Variants in SLC35F3 observed in about 807,000 individuals in gnomAD.
The protein encoded by SLC35F3 is solute carrier family 35 member F3.
Under a neutral mutation model 49.9 loss-of-function variants are expected in SLC35F3, and 25 were observed. That is an observed-to-expected ratio of 0.50 (90% CI 0.37 to 0.70). The LOEUF (loss-of-function observed/expected upper bound fraction) is 0.70. Ranked by LOEUF, SLC35F3 falls within the 30% of genes least tolerant of loss-of-function variation. The probability of loss-of-function intolerance (pLI) is 0.00; values close to 1 mark genes in which losing one functional copy is unlikely to be tolerated. For missense variants in SLC35F3, 525 were observed against 639.8 expected (o/e 0.82, Z 1.94); for synonymous variants, 275 against 265.4 (o/e 1.04, Z -0.35).
chr1:234,037,786 C>T (rs80268751), intron 2 of SLC35F3, among the ~76,000 whole-genome samples: 1 of 152,136 alleles, frequency 6.6e-6, no homozygotes, highest in Non-Finnish European at 1.5e-5. Flanking sequence ...TGGGCAACTT[C>T]AGGTGCAGAA....
At chr1:234,304,232 G>C (rs1668741239) in intron 3 of SLC35F3, among the ~76,000 whole-genome samples, 1 of 151,806 alleles carries the variant, frequency 6.6e-6, no homozygotes, top group Non-Finnish European at 1.5e-5. Flanking sequence ...CATGATCTTG[G>C]CTCACTGCAA....
chr1:234,199,537 C>T (rs1180182910), intron 2 of SLC35F3, among the ~76,000 whole-genome samples: 2 of 152,146 alleles, frequency 1.3e-5, no homozygotes, highest in Non-Finnish European at 2.9e-5. Flanking sequence ...AATTGTAAAG[C>T]TCCTAGAAGA....
intron 2 of SLC35F3, among the ~76,000 whole-genome samples, chr1:234,227,392 CT>C (rs369277069): frequency 0.079 from 8,453 of 106,390 alleles, 311 homozygotes; most frequent in East Asian, 0.53. Context: ...CTCTTTCTTT[CT>C]TTTTTTTTTT....
chr1:233,992,643 T>C (rs556335431), intron 2 of SLC35F3, among the ~76,000 whole-genome samples: 2 of 152,312 alleles, frequency 1.3e-5, no homozygotes, highest in African/African-American at 4.8e-5. Flanking sequence ...AGCCCAGTTC[T>C]CAATGCCATC....
At chr1:234,109,671 GC>G (rs1665376147) in intron 2 of SLC35F3, among the ~76,000 whole-genome samples, 1 of 152,142 alleles carries the variant, frequency 6.6e-6, no homozygotes, top group South Asian at 2.1e-4. Context: ...ACTGTTCTAG[GC>G]AACAGGATGC....
chr1:234,000,031 G>A (rs1475452997), intron 2 of SLC35F3, among the ~76,000 whole-genome samples: 1 of 152,090 alleles, frequency 6.6e-6, no homozygotes, highest in African/African-American at 2.4e-5. Context: ...CCTTTAAAGG[G>A]CTATATAAAA....
intron 3 of SLC35F3, among the ~76,000 whole-genome samples, chr1:234,280,398 C>T (rs981673391): frequency 6.6e-6 from 1 of 152,202 alleles, no homozygotes; most frequent in African/African-American, 2.4e-5. Flanking sequence ...CTGTTTAAAC[C>T]TTTCTACTGA....
intron 2 of SLC35F3, among the ~76,000 whole-genome samples, chr1:234,228,610 G>A (rs955417965): frequency 3.3e-5 from 5 of 152,138 alleles, no homozygotes; most frequent in Admixed American, 1.3e-4. Context: ...AGTGCATGCC[G>A]TTCATTATAA....
intron 2 of SLC35F3, among the ~76,000 whole-genome samples, chr1:233,920,737 C>T (rs370785426): frequency 6.6e-6 from 1 of 152,210 alleles, no homozygotes; most frequent in East Asian, 1.9e-4. Context: ...CAGAACTTCT[C>T]TCACCCTCTT....
chr1:233,930,673 T>A (rs1312322843), intron 2 of SLC35F3, among the ~76,000 whole-genome samples: 2 of 152,220 alleles, frequency 1.3e-5, no homozygotes, highest in Non-Finnish European at 2.9e-5. Flanking sequence ...GTCTTACTGA[T>A]AGCATAAACA....
intron 2 of SLC35F3, among the ~76,000 whole-genome samples, chr1:234,139,422 G>A (rs2102902134): frequency 6.6e-6 from 1 of 152,244 alleles, no homozygotes; most frequent in East Asian, 1.9e-4. Flanking sequence ...CAAAAAGATA[G>A]ACACATTATA....
chr1:234,254,567 A>G (rs944873143), intron 3 of SLC35F3, among the ~76,000 whole-genome samples: 14 of 152,254 alleles, frequency 9.2e-5, no homozygotes, highest in African/African-American at 3.4e-4. Context: ...CACTTTAAAA[A>G]ATCTTCAAGT....
rs558916755 is a variant in SLC35F3, at chr1:234,059,724, A to T, written c.283+153966A>T. On this transcript the variant is annotated intron_variant, in intron 2 of 7. Transcript: ENST00000366618. Reference sequence around the variant, plus strand: ...AGCTTACTTATCAACTTACATGATCACAAGATCCCACAATAGGCTATCTGC... The same window carrying T: ...AGCTTACTTATCAACTTACATGATCTCAAGATCCCACAATAGGCTATCTGC... Among the ~76,000 whole-genome samples, 17 of 152,294 alleles carry T rather than the reference A, an allele frequency of 1.1e-4. No homozygotes were observed. The South Asian group carries it at 3.5e-3, about 32-fold the overall frequency.
chr1:234,014,679 C>T (rs1270771398), intron 2 of SLC35F3, among the ~76,000 whole-genome samples: 3 of 151,914 alleles, frequency 2.0e-5, no homozygotes, highest in Non-Finnish European at 4.4e-5. Context: ...TTTCTATATA[C>T]TAACAATGAA....
intron 2 of SLC35F3, among the ~76,000 whole-genome samples, chr1:234,127,990 G>A (rs1310485895): frequency 6.6e-6 from 1 of 152,192 alleles, no homozygotes; most frequent in African/African-American, 2.4e-5. Context: ...GACACACGCT[G>A]AGGACCTGAC....
intron 2 of SLC35F3, among the ~76,000 whole-genome samples, chr1:233,948,355 C>T (rs1662550230): frequency 6.6e-6 from 1 of 151,814 alleles, no homozygotes; most frequent in Non-Finnish European, 1.5e-5. Flanking sequence ...TCCTCCAGCC[C>T]CATCTTTGAT....
chr1:234,010,223 A>AG (rs530687906), intron 2 of SLC35F3, among the ~76,000 whole-genome samples: 153 of 152,330 alleles, frequency 1.0e-3, no homozygotes, highest in African/African-American at 3.5e-3. Context: ...AAAGCATTTA[A>AG]GGGGGACACT....
At chr1:233,913,098 G>A (rs1236796172) in intron 2 of SLC35F3, among the ~76,000 whole-genome samples, 1 of 152,178 alleles carries the variant, frequency 6.6e-6, no homozygotes, top group Non-Finnish European at 1.5e-5. Flanking sequence ...AGTGCCTGGG[G>A]AGCCCTTTCT....
At chr1:234,044,719 A>G (rs1304363542) in intron 2 of SLC35F3, among the ~76,000 whole-genome samples, 1 of 152,158 alleles carries the variant, frequency 6.6e-6, no homozygotes, top group Non-Finnish European at 1.5e-5. Flanking sequence ...ATGTTTCTTC[A>G]TCACTGCATT....
Sources: allele counts gnomAD v4.1 joint callset (sites outside exome capture counted in the v4.1 genomes callset), GRCh38; gene constraint gnomAD v4.1.1; transcripts MANE v1.5; gene names NCBI Gene and HGNC (gene_info 2026-07-23, HGNC 2026-07-21).